EPHA6: variants seen among roughly 807,000 people sequenced by gnomAD.
The protein encoded by EPHA6 is ephrin type-A receptor 6.
In EPHA6, 50 loss-of-function variants were observed where a neutral mutation model predicts 112.0. The ratio of observed to expected loss-of-function variants is 0.45; its 90% CI spans 0.36 to 0.56. The LOEUF (loss-of-function observed/expected upper bound fraction) is 0.56. Among genes scored for constraint, EPHA6 ranks in the 20% least tolerant of loss-of-function variants. The pLI is 0.00. For synonymous variants in EPHA6, 529 were observed against 490.7 expected, an observed-to-expected ratio of 1.08 and a Z score of -1.03; for missense variants, 1,280 against 1,417.4, an observed-to-expected ratio of 0.90 and a Z score of 1.56.
intron 2 of EPHA6, among the ~76,000 whole-genome samples, chr3:96,881,510 G>T (rs1356026990): frequency 6.6e-6 from 1 of 152,138 alleles, no homozygotes; most frequent in East Asian, 1.9e-4. Flanking sequence ...CTCCCACAAG[G>T]TCCCTCCCAC....
At chr3:96,935,041 G>T (rs938014562) in intron 2 of EPHA6, among the ~76,000 whole-genome samples, 3 of 151,500 alleles carry the variant, frequency 2.0e-5, no homozygotes, top group Non-Finnish European at 3.0e-5. Context: ...TCTACCCAAC[G>T]CTTGTACAAT....
chr3:97,256,289 A>G (rs1019011233), intron 5 of EPHA6, among the ~76,000 whole-genome samples: 2 of 152,028 alleles, frequency 1.3e-5, no homozygotes, highest in African/African-American at 4.8e-5. Flanking sequence ...GGAATGAACT[A>G]ATGTATCTGC....
intron 10 of EPHA6, among the ~76,000 whole-genome samples, chr3:97,498,141 T>C (rs890231782): frequency 1.3e-5 from 2 of 152,136 alleles, no homozygotes; most frequent in Non-Finnish European, 2.9e-5. Context: ...CGAAAATCAC[T>C]ATGCTCTTGA....
chr3:97,230,572 A>G (rs1288117737), intron 4 of EPHA6, among the ~76,000 whole-genome samples: 3 of 152,158 alleles, frequency 2.0e-5, no homozygotes, highest in Non-Finnish European at 4.4e-5. Context: ...CATTGTTGCT[A>G]TAGGGCAGGA....
At chr3:97,640,043 C>T (rs969411395) in intron 14 of EPHA6, among the ~76,000 whole-genome samples, 1 of 151,952 alleles carries the variant, frequency 6.6e-6, no homozygotes, top group Non-Finnish European at 1.5e-5. Flanking sequence ...TAGTAAAGCT[C>T]TTGCCTTTAA....
intron 3 of EPHA6, among the ~76,000 whole-genome samples, chr3:97,018,260 G>A (rs1230585804): frequency 6.6e-6 from 1 of 151,822 alleles, no homozygotes; most frequent in Non-Finnish European, 1.5e-5. Context: ...TATGTGTAGG[G>A]ACCAGCCCCA....
chr3:97,149,547 C>T (rs2076120815), intron 3 of EPHA6, among the ~76,000 whole-genome samples: 1 of 151,864 alleles, frequency 6.6e-6, no homozygotes. Flanking sequence ...AGAAAGGTGT[C>T]TCCAAGGCTT....
chr3:97,652,812 T>C (rs1199927593), intron 14 of EPHA6, among the ~76,000 whole-genome samples: 1 of 152,078 alleles, frequency 6.6e-6, no homozygotes, highest in East Asian at 1.9e-4. Flanking sequence ...TACTCCTGTT[T>C]TTTATTTCTA....
intron 3 of EPHA6, among the ~76,000 whole-genome samples, chr3:97,149,545 G>C (rs2076120741): frequency 6.6e-6 from 1 of 151,876 alleles, no homozygotes; most frequent in South Asian, 2.1e-4. Flanking sequence ...GTAGAAAGGT[G>C]TCTCCAAGGC....
chr3:97,090,329 G>A (rs907270399), intron 3 of EPHA6, among the ~76,000 whole-genome samples: 3 of 151,934 alleles, frequency 2.0e-5, no homozygotes, highest in Middle Eastern at 3.2e-3. Flanking sequence ...TGGTTTGTTT[G>A]TATATAAATT....
rs55642719 is a variant in EPHA6 at position 97,475,386 on chromosome 3, C to T, written c.1929C>T (p.Leu643=). 1,438 of 1,611,870 alleles carry T rather than the reference C, an allele frequency of 8.9e-4. 12 individuals carry two copies. In the African/African-American group the frequency reaches 0.011, roughly 13 times the overall value. The change falls in exon 8 of 18, where the codon CTC becomes CTT. Residue 643 remains leucine (L), a synonymous_variant. Transcript: ENST00000389672. ...SDMAAEQGQI[L]VIATAAVGGF... is the part of the protein sequence containing the mutation. ...TGGCAGCAGAACAAGGACAGATTCT[C>T]GTGATAGCCACCGCCGCTGTTGGCG...
intron 3 of EPHA6, among the ~76,000 whole-genome samples, chr3:97,110,591 C>G (rs1026031242): frequency 6.6e-6 from 1 of 152,060 alleles, no homozygotes; most frequent in Non-Finnish European, 1.5e-5. Flanking sequence ...GTGGTGCAAT[C>G]TCTGTTCACT....
At chr3:97,124,469 AAAAGAAAGAAAG>A (rs35225817) in intron 3 of EPHA6, among the ~76,000 whole-genome samples, 12,820 of 149,818 alleles carry the variant, frequency 0.086, 688 homozygotes, top group Middle Eastern at 0.16. Context: ...TCTGTTTAAA[AAAAGAAAGAAAG>A]AAAGAAAGAA....
intron 14 of EPHA6, among the ~76,000 whole-genome samples, chr3:97,663,181 C>T (rs546906221): frequency 7.9e-5 from 12 of 152,224 alleles, no homozygotes; most frequent in Non-Finnish European, 1.6e-4. Flanking sequence ...GGAGAAGGAA[C>T]CCCTGGGGCT....
At chr3:96,949,978 T>A (rs924254336) in intron 2 of EPHA6, among the ~76,000 whole-genome samples, 3 of 152,184 alleles carry the variant, frequency 2.0e-5, no homozygotes, top group Non-Finnish European at 4.4e-5. Context: ...TTGAAGTCTT[T>A]GTGTCCTTAC....
intron 3 of EPHA6, among the ~76,000 whole-genome samples, chr3:97,183,666 T>G (rs921368875): frequency 6.6e-6 from 1 of 152,140 alleles, no homozygotes; most frequent in African/African-American, 2.4e-5. Flanking sequence ...TTAAAGATGT[T>G]AGTCATTATT....
intron 3 of EPHA6, among the ~76,000 whole-genome samples, chr3:97,058,096 T>C (rs910857401): frequency 6.6e-6 from 1 of 152,170 alleles, no homozygotes; most frequent in African/African-American, 2.4e-5. Context: ...CAGAGAGAAA[T>C]AGGTAATCAA....
intron 10 of EPHA6, among the ~76,000 whole-genome samples, chr3:97,526,388 T>G (rs557825552): frequency 1.3e-5 from 2 of 152,188 alleles, no homozygotes; most frequent in Non-Finnish European, 2.9e-5. Flanking sequence ...GCAGAATTGC[T>G]TCAAGACCAC....
chr3:96,931,141 C>T (rs1372626400), intron 2 of EPHA6, among the ~76,000 whole-genome samples: 2 of 151,960 alleles, frequency 1.3e-5, no homozygotes, highest in Admixed American at 1.3e-4. Context: ...ACCTGAACAA[C>T]CAAGGTGGTG....
Sources: allele counts gnomAD v4.1 joint callset (sites outside exome capture counted in the v4.1 genomes callset), GRCh38; gene constraint gnomAD v4.1.1; transcripts MANE v1.5; gene names NCBI Gene and HGNC (gene_info 2026-07-23, HGNC 2026-07-21).